The following SGCZ variants were observed in gnomAD, a reference collection of about 807,000 sequenced individuals.
SGCZ encodes the protein sarcoglycan zeta.
A neutral mutation model predicts 41.3 loss-of-function variants in SGCZ; 40 were observed. That is an observed-to-expected ratio of 0.97 (90% CI 0.75 to 1.26). SGCZ has a LOEUF of 1.26. SGCZ is among the 50% of genes most tolerant of loss of function. The probability of loss-of-function intolerance (pLI) is 0.00; values close to 1 mark genes in which losing one functional copy is unlikely to be tolerated. For synonymous variants in SGCZ, 206 were observed against 137.5 expected (o/e 1.50, Z -3.49); for missense variants, 552 against 369.8 (o/e 1.49, Z -4.04).
chr8:14,490,105 A>C (rs1254324647), intron 2 of SGCZ, among the ~76,000 whole-genome samples: 1 of 152,020 alleles, frequency 6.6e-6, no homozygotes, highest in Non-Finnish European at 1.5e-5. Flanking sequence ...AAACCTTGTG[A>C]TCCACCCGCC....
At chr8:14,147,617 A>G (rs1308039981) in intron 5 of SGCZ, among the ~76,000 whole-genome samples, 11 of 152,206 alleles carry the variant, frequency 7.2e-5, no homozygotes, top group Non-Finnish European at 1.6e-4. Context: ...CGATAACTGG[A>G]AACTTTAACA....
intron 1 of SGCZ, among the ~76,000 whole-genome samples, chr8:15,097,366 T>C (rs1045597692): frequency 6.6e-6 from 1 of 152,088 alleles, no homozygotes; most frequent in African/African-American, 2.4e-5. Flanking sequence ...AAAAACAACC[T>C]TCTAATGGTA....
intron 2 of SGCZ, among the ~76,000 whole-genome samples, chr8:14,477,663 G>A (rs1801399474): frequency 6.6e-6 from 1 of 152,084 alleles, no homozygotes; most frequent in Admixed American, 6.5e-5. Flanking sequence ...AAAACGTTAG[G>A]TCTAACTTTC....
rs149828703 is a variant in SGCZ, at chr8:14,615,938, C to T, written c.40-61012G>A. Among the ~76,000 whole-genome samples, 434 of 152,148 alleles carry T rather than the reference C, an allele frequency of 2.9e-3. 1 individual carries two copies. The highest frequency in any genetic ancestry group is 9.9e-3 in the African/African-American group (413 of 41,510). ...TATTACACTTAGAATAAGTTCTGGC[C>T]ACAGTCCAGCTCATGGATTAAGTAA... On this transcript the variant is annotated intron_variant, in intron 1 of 7. Transcript: ENST00000382080.
intron 5 of SGCZ, among the ~76,000 whole-genome samples, chr8:14,161,703 T>G (rs565944049): frequency 6.6e-6 from 1 of 152,272 alleles, no homozygotes; most frequent in East Asian, 1.9e-4. Context: ...TGACATAGAC[T>G]TCTAATTAAG....
At chr8:14,853,907 GCCAATAC>G in intron 1 of SGCZ, among the ~76,000 whole-genome samples, 1 of 151,124 alleles carries the variant, frequency 6.6e-6, no homozygotes, top group African/African-American at 2.4e-5. Context: ...CTTCCTCCTT[GCCAATAC>G]AAAATACACA....
intron 1 of SGCZ, among the ~76,000 whole-genome samples, chr8:14,637,484 C>G (rs2117416126): frequency 6.6e-6 from 1 of 151,856 alleles, no homozygotes; most frequent in South Asian, 2.1e-4. Context: ...CTACCTGCCT[C>G]TAGCAGTCAC....
chr8:14,791,521 A>G (rs1411821258), intron 1 of SGCZ, among the ~76,000 whole-genome samples: 1 of 152,130 alleles, frequency 6.6e-6, no homozygotes, highest in African/African-American at 2.4e-5. Flanking sequence ...GTAGTTATCT[A>G]TTTAAAACCA....
chr8:14,519,709 T>C (rs1192402207), intron 2 of SGCZ, among the ~76,000 whole-genome samples: 4 of 152,128 alleles, frequency 2.6e-5, no homozygotes, highest in African/African-American at 9.7e-5. Context: ...TGCAATAATC[T>C]TTCTCATACT....
At chr8:14,143,743 C>T (rs1803440809) in intron 5 of SGCZ, among the ~76,000 whole-genome samples, 1 of 152,012 alleles carries the variant, frequency 6.6e-6, no homozygotes, top group African/African-American at 2.4e-5. Flanking sequence ...AGATAAAGAG[C>T]CCTAAATGGT....
intron 1 of SGCZ, among the ~76,000 whole-genome samples, chr8:14,756,671 T>C (rs2130338590): frequency 6.6e-6 from 1 of 152,322 alleles, no homozygotes; most frequent in East Asian, 1.9e-4. Flanking sequence ...ACATAACTTT[T>C]GGTCTGCATA....
At chr8:14,267,936 G>T (rs916041758) in intron 3 of SGCZ, among the ~76,000 whole-genome samples, 17 of 151,668 alleles carry the variant, frequency 1.1e-4, no homozygotes, top group African/African-American at 4.1e-4. Flanking sequence ...TCAGTTGCTA[G>T]AAAAAATCAA....
chr8:14,984,914 C>A (rs970875644), intron 1 of SGCZ, among the ~76,000 whole-genome samples: 16 of 126,166 alleles, frequency 1.3e-4, no homozygotes, highest in African/African-American at 3.9e-4. Context: ...ACTTGTGCCA[C>A]CTTCATAACT....
At position 14,607,940 on chromosome 8, in the gene SGCZ, G is replaced by T. The variant is rs7835912; in HGVS notation, c.40-53014C>A. 4.0e-3 allele frequency among the ~76,000 whole-genome samples: 603 copies of T among 152,254 alleles called. 4 individuals carry two copies. The highest frequency in any genetic ancestry group is 0.012 in the African/African-American group (493 of 41,550). ...TATGTTCAGGCCACTTGGAGTAATT[G>T]TTACTGCTGTAAAAGACAAAAACCA... On this transcript the variant is annotated intron_variant, in intron 1 of 7. Coordinates refer to ENST00000382080, the MANE Select transcript of SGCZ (RefSeq NM_139167.4).
At chr8:14,790,743 G>C (rs1189568525) in intron 1 of SGCZ, among the ~76,000 whole-genome samples, 1 of 152,060 alleles carries the variant, frequency 6.6e-6, no homozygotes, top group African/African-American at 2.4e-5. Flanking sequence ...GCAGAAAATA[G>C]TATACAGCCA....
In SGCZ at chr8:14,801,474, A is replaced by G. The variant is rs147609144; in HGVS notation, c.40-246548T>C. Reference sequence around the variant, plus strand: ...TAATGTAACAATAATTTTCCTATTAAGATTAAAATGCTTAAACTCCTAAAT... The same window carrying G: ...TAATGTAACAATAATTTTCCTATTAGGATTAAAATGCTTAAACTCCTAAAT... On this transcript the variant is annotated intron_variant, in intron 1 of 7. Transcript: ENST00000382080. Among the ~76,000 whole-genome samples the G allele has an allele frequency of 3.4e-3, 513 of 152,344 alleles. 4 individuals are homozygous for G. The highest frequency in any genetic ancestry group is 3.8e-3 in the Non-Finnish European group (260 of 68,032).
At chr8:14,093,822 T>C (rs1801761096) in intron 7 of SGCZ, among the ~76,000 whole-genome samples, 1 of 152,122 alleles carries the variant, frequency 6.6e-6, no homozygotes, top group Non-Finnish European at 1.5e-5. Context: ...ATTAAAATAA[T>C]GCTAATCTTT....
At chr8:14,904,118 G>A (rs1208948308) in intron 1 of SGCZ, among the ~76,000 whole-genome samples, 1 of 151,940 alleles carries the variant, frequency 6.6e-6, no homozygotes, top group Admixed American at 6.6e-5. Flanking sequence ...GCATCTTAGG[G>A]GTTTTCATGA....
chr8:14,188,579 G>A (rs930883327), intron 4 of SGCZ, among the ~76,000 whole-genome samples: 2 of 150,952 alleles, frequency 1.3e-5, no homozygotes, highest in African/African-American at 5.0e-5. Flanking sequence ...AAAGGGTTCA[G>A]AGTTTCTTCT....
Sources: allele counts gnomAD v4.1 joint callset (sites outside exome capture counted in the v4.1 genomes callset), GRCh38; gene constraint gnomAD v4.1.1; transcripts MANE v1.5; gene names NCBI Gene and HGNC (gene_info 2026-07-23, HGNC 2026-07-21).